NR4A3: variants seen among roughly 807,000 people sequenced by gnomAD.
NR4A3 encodes the protein chondrosarcoma, extraskeletal myxoid, fused to EWS.
Under a neutral mutation model 55.6 loss-of-function variants are expected in NR4A3, and 13 were observed. The observed-to-expected ratio is 0.23, with a 90% CI of 0.15 to 0.37. NR4A3 has a LOEUF of 0.37. NR4A3 is among the 10% of genes least tolerant of loss of function. The probability of loss-of-function intolerance (pLI) is 1.00; values close to 1 mark genes in which losing one functional copy is unlikely to be tolerated. For synonymous variants in NR4A3, 342 were observed against 357.9 expected (o/e 0.96, Z 0.50); for missense variants, 646 against 822.8 (o/e 0.79, Z 2.63).
Position 99,832,669 on chromosome 9 carries a change from C to A in NR4A3, c.952-20C>A. On this transcript the variant is annotated intron_variant, in intron 3 of 7. Transcript: ENST00000395097. ...TTTCCAGAAACTATCAGTTGACTAT[C>A]TTGTATTATATTTTCTCAGAGAACA... The A allele has an allele frequency of 6.4e-7, 1 of 1,552,240 alleles. No individual in the cohort carries two copies. The highest frequency in any genetic ancestry group is 8.8e-7 in the Non-Finnish European group (1 of 1,139,850).
intron 5 of NR4A3, among the ~76,000 whole-genome samples, chr9:99,834,334 A>G (rs1350996419): frequency 1.3e-5 from 2 of 152,200 alleles, no homozygotes; most frequent in Non-Finnish European, 2.9e-5. Context: ...CTAAACTTCT[A>G]GCAAAACAGG....
chr9:99,861,041 T>C (rs890751090), intron 7 of NR4A3, among the ~76,000 whole-genome samples: 3 of 152,224 alleles, frequency 2.0e-5, no homozygotes, highest in Non-Finnish European at 4.4e-5. Context: ...TGTGAAGACA[T>C]TGAGCCTTAG....
chr9:99,848,347 TATTATC>T (rs1827792635), intron 7 of NR4A3, among the ~76,000 whole-genome samples: 1 of 152,188 alleles, frequency 6.6e-6, no homozygotes, highest in African/African-American at 2.4e-5. Flanking sequence ...TTTAAAATTT[TATTATC>T]ATTATTTTTG....
At chr9:99,837,154 T>G (rs1827572247) in intron 5 of NR4A3, among the ~76,000 whole-genome samples, 1 of 152,228 alleles carries the variant, frequency 6.6e-6, no homozygotes, top group African/African-American at 2.4e-5. Context: ...AGTATTTCAC[T>G]TTTTAAATTG....
chr9:99,834,572 G>T (rs559817378), intron 5 of NR4A3, among the ~76,000 whole-genome samples: 2 of 152,100 alleles, frequency 1.3e-5, no homozygotes, highest in Non-Finnish European at 2.9e-5. Flanking sequence ...GCCCCCAGTC[G>T]GTTGATCTGT....
rs184562485 is a variant in NR4A3, at chr9:99,840,927, C to T, written c.1255-3722C>T. ...AAGTTAATTCCCTTTTCCCCACTCT[C>T]TTCCAGTTAAGAGTCTGTGTGCTGG... On this transcript the variant is annotated intron_variant, in intron 5 of 7. Transcript: ENST00000395097. Among the ~76,000 whole-genome samples the T allele has an allele frequency of 2.1e-4, 32 of 152,268 alleles. No homozygotes were observed. In the East Asian group the frequency reaches 6.0e-3, roughly 28 times the overall value.
intron 5 of NR4A3, 56 bp from the exon 6 acceptor site, chr9:99,844,593 A>T: frequency 6.9e-7 from 1 of 1,448,660 alleles, no homozygotes; most frequent in Admixed American, 1.7e-5. Context: ...TTTGCAAGTG[A>T]TGCCATCATC....
intron 2 of NR4A3, chr9:99,826,901 C>A: frequency 8.2e-7 from 1 of 1,212,850 alleles, no homozygotes; most frequent in Non-Finnish European, 1.2e-6. Flanking sequence ...ACCTGGTTTT[C>A]CTTTGGCTCA....
rs56749651 is a variant in NR4A3, at chr9:99,827,290, G to GTATA, written c.-2-739_-2-736dup. 2.5e-3 allele frequency among the ~76,000 whole-genome samples: 354 copies of GTATA among 139,098 alleles called. 1 individual carries two copies. The highest frequency in any genetic ancestry group is 8.8e-3 in the African/African-American group (333 of 37,766). The allele number at this position is 139,098 out of a possible 152,430, so 91.3% of individuals were successfully genotyped here. On this transcript the variant is annotated intron_variant, in intron 2 of 7. Coordinates refer to ENST00000395097, the MANE Select transcript of NR4A3 (RefSeq NM_006981.4). ...TGTGTGTGTGTGTGTGTGTGTGTGT[G>GTATA]TATATATATATATATGGGTGGGTGT... is the stretch of plus-strand genomic sequence containing the variant.
chr9:99,841,951 C>T (rs902503092), intron 5 of NR4A3, among the ~76,000 whole-genome samples: 4 of 152,040 alleles, frequency 2.6e-5, no homozygotes, highest in Non-Finnish European at 4.4e-5. Context: ...GCCTGAGGAA[C>T]AGAGCGAGAC....
At chr9:99,852,974 TA>T (rs1225577901) in intron 7 of NR4A3, among the ~76,000 whole-genome samples, 1 of 152,106 alleles carries the variant, frequency 6.6e-6, no homozygotes, top group Non-Finnish European at 1.5e-5. Flanking sequence ...GCAAAATAGT[TA>T]AAAACAAAAA....
At chr9:99,841,416 C>A (rs1827648694) in intron 5 of NR4A3, among the ~76,000 whole-genome samples, 3 of 152,142 alleles carry the variant, frequency 2.0e-5, no homozygotes, top group Non-Finnish European at 2.9e-5. Context: ...TGAACTGGAC[C>A]AGATGTTATA....
intron 5 of NR4A3, among the ~76,000 whole-genome samples, chr9:99,844,075 C>T (rs1056639114): frequency 1.4e-5 from 2 of 145,536 alleles, no homozygotes; most frequent in African/African-American, 5.0e-5. Context: ...GAAATTATCA[C>T]TTCTAACACA....
intron 7 of NR4A3, among the ~76,000 whole-genome samples, chr9:99,850,638 C>T (rs1354965518): frequency 6.6e-6 from 1 of 152,066 alleles, no homozygotes; most frequent in Admixed American, 6.6e-5. Flanking sequence ...TCGAGCACGC[C>T]CAGATTTTAA....
intron 7 of NR4A3, among the ~76,000 whole-genome samples, chr9:99,856,837 G>A (rs1195946000): frequency 6.6e-6 from 1 of 152,218 alleles, no homozygotes; most frequent in African/African-American, 2.4e-5. Context: ...GTTCCCCAGT[G>A]ATGCTGATGC....
rs749673899 is a variant in NR4A3 at position 99,847,557 on chromosome 9, G to T, written c.1575G>T (p.Gln525His). 7.4e-6 allele frequency: 12 copies of T among 1,614,030 alleles called. No individual in the cohort carries two copies. In the South Asian group the frequency reaches 1.3e-4, roughly 18 times the overall value. ...TTAAAGACTTTTCCTTAAATTTGCA[G>T]AGCCTGAACCTTGATATCCAAGCCT... ...DSIKDFSLNL[Q>H]SLNLDIQALA... The change falls in exon 7 of 8, where the codon CAG becomes CAT. Residue 525 changes from glutamine to histidine, a missense_variant. Physicochemically the swap from Gln to His is conservative, Grantham distance 24 (BLOSUM62 0). This residue lies in a region of NR4A3 where 163 missense variants were observed against 233.0 expected (regional missense o/e 0.70). Transcript: ENST00000395097.
chr9:99,847,698 C>T, intron 7 of NR4A3, 83 bp downstream of exon 7: 3 of 1,315,756 alleles, frequency 2.3e-6, no homozygotes, highest in South Asian at 1.4e-5. Context: ...CCACTACACA[C>T]ACCAGAAAAG....
chr9:99,845,256 G>A (rs1412980128), intron 6 of NR4A3, among the ~76,000 whole-genome samples: 1 of 152,144 alleles, frequency 6.6e-6, no homozygotes, highest in Non-Finnish European at 1.5e-5. Context: ...TACCTCGTGG[G>A]TTTCTGTTTA....
Position 99,822,399 on chromosome 9 carries a change from A to G in NR4A3, c.-185A>G, listed in dbSNP as rs1170604110. On this transcript the variant is annotated 5_prime_UTR_variant, in exon 1 of 8. Coordinates refer to ENST00000395097, the MANE Select transcript of NR4A3 (RefSeq NM_006981.4). This position sits in a 1 kb window ranked among gnomAD's most constrained non-coding sequence, Gnocchi z 4.9. ...CTCGCTCTAAAGACGGAACCGCCAC[A>G]GCACTCAAGTACGTATGAGATTCGC... 2 of 152,322 alleles carry G rather than the reference A, an allele frequency of 1.3e-5. No homozygotes were observed. The highest frequency in any genetic ancestry group is 2.4e-5 in the African/African-American group (1 of 41,464). 9.4% of individuals were successfully genotyped at this position (152,322 alleles called of 1,614,324 possible).
Sources: allele counts gnomAD v4.1 joint callset (sites outside exome capture counted in the v4.1 genomes callset), GRCh38; gene constraint gnomAD v4.1.1; regional missense constraint gnomAD v4.1.1; non-coding constraint Gnocchi (gnomAD v3.1); transcripts MANE v1.5; gene names NCBI Gene and HGNC (gene_info 2026-07-23, HGNC 2026-07-21).